The following GRSF1 variants were observed in gnomAD, a reference collection of about 807,000 sequenced individuals.
GRSF1 encodes G-rich sequence factor 1.
A neutral mutation model predicts 51.1 loss-of-function variants in GRSF1; 50 were observed. The ratio of observed to expected loss-of-function variants is 0.98; its 90% CI spans 0.78 to 1.24. GRSF1 has a LOEUF of 1.24. Among genes scored for constraint, GRSF1 ranks in the 50% most tolerant of loss-of-function variants. The pLI, the probability that GRSF1 is intolerant of heterozygous loss-of-function variation, is 0.00. For missense variants in GRSF1, 700 were observed against 639.7 expected, an observed-to-expected ratio of 1.09 and a Z score of -1.02; for synonymous variants, 293 against 253.3, an observed-to-expected ratio of 1.16 and a Z score of -1.49.
chr4:70,829,301 T>A (rs1012919807), intron 5 of GRSF1, among the ~76,000 whole-genome samples: 1 of 152,130 alleles, frequency 6.6e-6, no homozygotes, highest in East Asian at 1.9e-4. Flanking sequence ...AAAAAACCTT[T>A]GAGCCTGGAC....
chr4:70,832,667 GC>G (rs1236660701), intron 3 of GRSF1, among the ~76,000 whole-genome samples: 1 of 152,194 alleles, frequency 6.6e-6, no homozygotes. Flanking sequence ...TACTTCATTG[GC>G]CAGGCACACT....
Position 70,823,974 on chromosome 4 carries a change from C to CTTTTTTTTTTT in GRSF1, c.*25+319_*25+320insAAAAAAAAAAA, listed in dbSNP as rs577909875. ...AAATAATTTCCACAGTTGTATCTCT[C>CTTTTTTTTTTT]TCTTTTTTTTTTTTTTTTTTGAGTC... On this transcript the variant is annotated intron_variant, in intron 9 of 9. Coordinates refer to ENST00000254799, the MANE Select transcript of GRSF1 (RefSeq NM_002092.4). Among the ~76,000 whole-genome samples, 118 of 100,918 alleles carry CTTTTTTTTTTT rather than the reference C, an allele frequency of 1.2e-3. 13 individuals carry two copies. Among genetic ancestry groups the CTTTTTTTTTTT allele is most frequent in the Admixed American group, 3.2e-3 (22 of 6,874 alleles). 66.2% of individuals were successfully genotyped at this position (100,918 alleles called of 152,430 possible).
At chr4:70,839,364 C>T (rs1734363537) in intron 1 of GRSF1, 107 bp downstream of exon 1, 1 of 1,505,802 alleles carries the variant, frequency 6.6e-7, no homozygotes, top group Admixed American at 2.0e-5. Context: ...TGTCGCGGAT[C>T]CCCGGGCGTG....
chr4:70,818,521 C>T lies in GRSF1; in HGVS notation c.*2366G>A, dbSNP rs1560590781. ...CCAGGGAAGATTCGGTCCCCCTTCC[C>T]ACATGACAGAAGCTTAAGTTACCCA... On this transcript the variant is annotated 3_prime_UTR_variant, in exon 10 of 10. Transcript: ENST00000254799. The T allele has an allele frequency of 6.6e-6, 1 of 152,182 alleles. No individual in the cohort carries two copies. Among genetic ancestry groups the T allele is most frequent in the East Asian group, 1.9e-4 (1 of 5,192 alleles). 9.4% of individuals were successfully genotyped at this position (152,182 alleles called of 1,614,324 possible). A position where few individuals can be genotyped will look rare whatever the true frequency, so the allele number is the denominator to read the frequency against.
chr4:70,828,212 A>G (rs953358187), intron 5 of GRSF1, among the ~76,000 whole-genome samples, 176 bp from the exon 6 acceptor site: 1 of 152,224 alleles, frequency 6.6e-6, no homozygotes, highest in East Asian at 1.9e-4. Flanking sequence ...GAAAATATAC[A>G]ACAGAGTAGG....
upstream of GRSF1, among the ~76,000 whole-genome samples, chr4:70,842,486 G>A (rs1480596401): frequency 6.6e-6 from 1 of 152,006 alleles, no homozygotes; most frequent in Non-Finnish European, 1.5e-5. Context: ...CCCGAGCTGG[G>A]GTGCAGTGGT....
In GRSF1 at chr4:70,838,185, C is replaced by T. The variant is rs542131761; in HGVS notation, c.357+1286G>A. Among the ~76,000 whole-genome samples, 559 of 141,082 alleles carry T rather than the reference C, an allele frequency of 4.0e-3. 3 individuals are homozygous for T. The highest frequency in any genetic ancestry group is 0.014 in the African/African-American group (533 of 37,684). The allele number at this position is 141,082 out of a possible 152,430, so 92.6% of individuals were successfully genotyped here. On this transcript the variant is annotated intron_variant, in intron 1 of 9. Transcript: ENST00000254799. ...AGTGAGCCGAGATCATTCCACTGCA[C>T]TCCAGCCTGGGCGACAGAGCGAGAC... is the stretch of plus-strand genomic sequence containing the variant.
chr4:70,829,704 C>G (rs1733881348), intron 5 of GRSF1, among the ~76,000 whole-genome samples: 1 of 152,130 alleles, frequency 6.6e-6, no homozygotes, highest in African/African-American at 2.4e-5. Flanking sequence ...ACAAGGAAAG[C>G]TGAGATGGCA....
rs1560594250 is a variant in GRSF1 at position 70,824,292 on chromosome 4, AC to A, written c.*25+1del. The A allele has an allele frequency of 8.0e-7, 1 of 1,255,126 alleles. No individual in the cohort carries two copies. Among genetic ancestry groups the A allele is most frequent in the Non-Finnish European group, 1.1e-6 (1 of 869,954 alleles). The allele number at this position is 1,255,126 out of a possible 1,614,324, so 77.7% of individuals were successfully genotyped here. A position where few individuals can be genotyped will look rare whatever the true frequency, so the allele number is the denominator to read the frequency against. On this transcript the variant is annotated splice_donor_variant, in intron 9 of 9. Coordinates refer to ENST00000254799, the MANE Select transcript of GRSF1 (RefSeq NM_002092.4). LOFTEE classifies it low-confidence loss of function (3UTR_SPLICE). ...GCCCACAGTATTACCTCTTAAATTT[AC>A]CTTATTATCTGGAGCCCCTAGAGTC...
Position 70,833,163 on chromosome 4 carries a change from C to G in GRSF1, c.625G>C (p.Ala209Pro). ...EMESEQDVQK[A>P]LEKHRMYMGQ... ...ATGTACATGCGGTGCTTCTCTAAGG[C>G]TTTCTGCACATCCTGCTCTGACTCC... Residue 209 changes from alanine (A) to proline (P), a missense_variant, in exon 3 of 10, where the codon GCC becomes CCC. Ala to Pro is a conservative substitution (Grantham distance 27, BLOSUM62 -1). Coordinates refer to ENST00000254799, the MANE Select transcript of GRSF1 (RefSeq NM_002092.4). 6.2e-7 allele frequency: 1 copy of G among 1,613,974 alleles called. No homozygotes were observed. The highest frequency in any genetic ancestry group is 8.5e-7 in the Non-Finnish European group (1 of 1,179,860).
upstream of GRSF1, among the ~76,000 whole-genome samples, chr4:70,842,709 A>G (rs760817677): frequency 2.0e-5 from 3 of 152,168 alleles, no homozygotes; most frequent in Non-Finnish European, 2.9e-5. Context: ...GACTCTGCCT[A>G]TATTTACTCT....
intron 7 of GRSF1, chr4:70,825,917 G>C (rs533795315): frequency 2.1e-6 from 1 of 478,112 alleles, no homozygotes; most frequent in Non-Finnish European, 3.7e-6. Context: ...GGGCGACAGA[G>C]CGAGACTCTG....
upstream of GRSF1, chr4:70,839,905 G>C: frequency 7.5e-7 from 1 of 1,337,888 alleles, no homozygotes; most frequent in Non-Finnish European, 9.7e-7. Flanking sequence ...TCCAGGGCCG[G>C]TTGGGGGTGG....
intron 1 of GRSF1, chr4:70,839,148 G>C (rs1317220146): frequency 1.5e-6 from 2 of 1,327,078 alleles, no homozygotes; most frequent in East Asian, 9.6e-5. Context: ...GATGCGAGGT[G>C]GGGGCGTCAG....
chr4:70,830,318 G>A (rs1325530206), intron 5 of GRSF1, among the ~76,000 whole-genome samples: 1 of 151,966 alleles, frequency 6.6e-6, no homozygotes, highest in Non-Finnish European at 1.5e-5. Flanking sequence ...GGCGGCACAT[G>A]CCTATTGTTC....
chr4:70,825,524 T>G, intron 7 of GRSF1, 93 bp from the exon 8 acceptor site: 2 of 870,818 alleles, frequency 2.3e-6, no homozygotes, highest in East Asian at 5.3e-5. Context: ...CAGACTTTGA[T>G]TCATACACTT....
chr4:70,826,726 T>C (rs1578297389), intron 6 of GRSF1, among the ~76,000 whole-genome samples: 2 of 152,068 alleles, frequency 1.3e-5, no homozygotes, highest in East Asian at 3.9e-4. Context: ...TGCATGCCTA[T>C]AGTTCCAGCT....
chr4:70,839,788 C>T lies in GRSF1; in HGVS notation c.40G>A (p.Gly14Ser). The T allele has an allele frequency of 6.6e-7, 1 of 1,505,450 alleles. No individual in the cohort carries two copies. Among genetic ancestry groups the T allele is most frequent in the Non-Finnish European group, 8.8e-7 (1 of 1,134,128 alleles). 93.3% of individuals were successfully genotyped at this position (1,505,450 alleles called of 1,614,324 possible). Residue 14 changes from glycine to serine, a missense_variant, in exon 1 of 10, where the codon GGC becomes AGC. Physicochemically the swap from Gly to Ser is moderately conservative, Grantham distance 56 (BLOSUM62 0). Coordinates refer to ENST00000254799, the MANE Select transcript of GRSF1 (RefSeq NM_002092.4). ...CAGCTGCTGCAGTTACAGCCGCAGCCCCGGAGCAGCGCCCCGAGTACCCAG... is the reference window on the plus strand; with the variant it reads ...CAGCTGCTGCAGTTACAGCCGCAGCTCCGGAGCAGCGCCCCGAGTACCCAG... ...TRWVLGALLR[G>S]CGCNCSSCRR...
chr4:70,823,919 T>A (rs571512165), intron 9 of GRSF1, among the ~76,000 whole-genome samples: 2 of 151,698 alleles, frequency 1.3e-5, no homozygotes, highest in South Asian at 2.1e-4. Flanking sequence ...TACAAATTAG[T>A]GAGTGAATGA....
Sources: allele counts gnomAD v4.1 joint callset (sites outside exome capture counted in the v4.1 genomes callset), GRCh38; gene constraint gnomAD v4.1.1; transcripts MANE v1.5; gene names NCBI Gene and HGNC (gene_info 2026-07-23, HGNC 2026-07-21).